IPO5: variants seen among roughly 807,000 people sequenced by gnomAD.
The protein encoded by IPO5 is importin 5, also known as importin-5.
A neutral mutation model predicts 143.3 loss-of-function variants in IPO5; 18 were observed. The observed-to-expected ratio is 0.13, with a 90% CI of 0.09 to 0.19. IPO5 has a LOEUF of 0.19. Among genes scored for constraint, IPO5 ranks in the 10% least tolerant of loss-of-function variants. The probability of loss-of-function intolerance (pLI) is 1.00; values close to 1 mark genes in which losing one functional copy is unlikely to be tolerated. For synonymous variants in IPO5, 477 were observed against 465.7 expected (o/e 1.02, Z -0.31); for missense variants, 1,013 against 1,336.9 (o/e 0.76, Z 3.78).
chr13:97,964,199 TA>T (rs898927085), intron 2 of IPO5, among the ~76,000 whole-genome samples: 2 of 152,182 alleles, frequency 1.3e-5, no homozygotes, highest in African/African-American at 4.8e-5. Flanking sequence ...TTAGTTTAAT[TA>T]GATCCTATTT....
At chr13:97,955,629 T>C (rs561539814) in intron 2 of IPO5, among the ~76,000 whole-genome samples, 57 of 152,210 alleles carry the variant, frequency 3.7e-4, no homozygotes, top group South Asian at 3.7e-3. Flanking sequence ...GACTTGATGG[T>C]CCTCAGACGC....
At chr13:97,997,640 G>A (rs1888408429) in intron 12 of IPO5, 22 bp downstream of exon 12, 3 of 1,519,330 alleles carry the variant, frequency 2.0e-6, no homozygotes, top group South Asian at 1.1e-5. Flanking sequence ...TTGTGTCCAG[G>A]GTGGCAGTGA....
chr13:97,992,747 C>T, intron 9 of IPO5, 145 bp from the exon 10 acceptor site: 1 of 800,484 alleles, frequency 1.2e-6, no homozygotes, highest in Non-Finnish European at 1.9e-6. Flanking sequence ...GCAGGTAGAA[C>T]ATTTGCATAA....
At chr13:97,957,984 G>T (rs1347961510) in intron 2 of IPO5, among the ~76,000 whole-genome samples, 2 of 151,900 alleles carry the variant, frequency 1.3e-5, no homozygotes, top group Non-Finnish European at 2.9e-5. Context: ...GACAGAATGA[G>T]ACTCTGTCTC....
At chr13:97,975,252 C>CGG (rs71213659) in intron 3 of IPO5, among the ~76,000 whole-genome samples, 3 of 35,238 alleles carry the variant, frequency 8.5e-5, no homozygotes, top group African/African-American at 2.8e-4. Context: ...GGGGGGAGGG[C>CGG]GGGGGGGGCT....
rs568860802 is a variant in IPO5, at chr13:98,019,820, A to G, written c.3065+11A>G. 1.7e-5 allele frequency: 27 copies of G among 1,558,932 alleles called. No individual in the cohort carries two copies. Among genetic ancestry groups the G allele is most frequent in the Non-Finnish European group, 2.4e-5 (27 of 1,130,372 alleles). Reference sequence around the variant, plus strand: ...TGACCTGATTGAAAGGTAGGAAAGCAGACTGTGACCTTATTTCCTTCTCCT... The same window carrying G: ...TGACCTGATTGAAAGGTAGGAAAGCGGACTGTGACCTTATTTCCTTCTCCT... On this transcript the variant is annotated intron_variant, in intron 27 of 28. Coordinates refer to ENST00000651721, the MANE Select transcript of IPO5 (RefSeq NM_002271.6).
intron 9 of IPO5, among the ~76,000 whole-genome samples, chr13:97,992,302 C>T (rs1422766952): frequency 6.6e-6 from 1 of 152,156 alleles, no homozygotes; most frequent in Non-Finnish European, 1.5e-5. Flanking sequence ...TTTAATACCA[C>T]AGTGACCAGA....
intron 5 of IPO5, among the ~76,000 whole-genome samples, chr13:97,983,780 C>G (rs903561650): frequency 2.6e-5 from 4 of 151,806 alleles, no homozygotes; most frequent in African/African-American, 9.7e-5. Flanking sequence ...TTTCACCTGA[C>G]TTCTTCCAGT....
At chr13:98,010,906 G>A (rs1353986584) in intron 20 of IPO5, among the ~76,000 whole-genome samples, 7 of 147,850 alleles carry the variant, frequency 4.7e-5, no homozygotes, top group Admixed American at 4.1e-4. Flanking sequence ...TCAGCCTCCC[G>A]AGTAGCTGGG....
intron 19 of IPO5, 21 bp downstream of exon 19, chr13:98,010,034 C>T: frequency 6.2e-7 from 1 of 1,613,624 alleles, no homozygotes; most frequent in Non-Finnish European, 8.5e-7. Flanking sequence ...TTAGAAGGAG[C>T]TATCGGTTAT....
At chr13:97,986,758 A>G (rs1172351430) in intron 6 of IPO5, among the ~76,000 whole-genome samples, 1 of 152,222 alleles carries the variant, frequency 6.6e-6, no homozygotes, top group African/African-American at 2.4e-5. Context: ...TTAGTCAACT[A>G]AAAATAATAG....
chr13:97,969,992 C>A, intron 3 of IPO5, 162 bp downstream of exon 3: 1 of 602,412 alleles, frequency 1.7e-6, no homozygotes, highest in Non-Finnish European at 3.0e-6. Context: ...AGCCATCACA[C>A]CCAGCCAAAA....
chr13:97,967,837 T>C (rs1409663268), intron 2 of IPO5, among the ~76,000 whole-genome samples: 2 of 152,188 alleles, frequency 1.3e-5, no homozygotes, highest in Admixed American at 1.3e-4. Flanking sequence ...TTCACCATGT[T>C]AGCCAGGATG....
Position 98,014,074 on chromosome 13 carries a change from C to T in IPO5, c.2185C>T (p.Leu729Phe), listed in dbSNP as rs761838822. 70 of 1,611,056 alleles carry T rather than the reference C, an allele frequency of 4.3e-5. No individual in the cohort carries two copies. Among genetic ancestry groups the T allele is most frequent in the Non-Finnish European group, 5.7e-5 (67 of 1,179,346 alleles). The change falls in exon 22 of 29, where the codon CTT becomes TTT. Residue 729 changes from leucine to phenylalanine, a missense_variant. By Grantham distance (22) the Leu-to-Phe change is conservative. This residue lies in a region of IPO5 where 685 missense variants were observed against 994.9 expected (regional missense o/e 0.69). Coordinates refer to ENST00000651721, the MANE Select transcript of IPO5 (RefSeq NM_002271.6). ...AGTGGCAGCAGCGGAATCCATGCCT[C>T]TTCTCCTGGAGTGTGCAAGAGTCCG... is the stretch of plus-strand genomic sequence containing the variant. ...VRVAAAESMP[L>F]LLECARVRGP...
intron 3 of IPO5, among the ~76,000 whole-genome samples, chr13:97,974,692 A>G (rs1886115779): frequency 6.6e-6 from 1 of 151,832 alleles, no homozygotes; most frequent in Non-Finnish European, 1.5e-5. Context: ...ACAAAAAAAA[A>G]AAAAAATCAA....
chr13:97,986,736 T>C (rs1383622924), intron 6 of IPO5, among the ~76,000 whole-genome samples: 1 of 152,220 alleles, frequency 6.6e-6, no homozygotes, highest in Non-Finnish European at 1.5e-5. Context: ...TTACTAAAGG[T>C]AAAAATCCTT....
chr13:97,993,162 G>C lies in IPO5; in HGVS notation c.850G>C (p.Val284Leu), dbSNP rs142950356. Residue 284 changes from valine to leucine, a missense_variant, in exon 11 of 29, where the codon GTC (valine) becomes CTC (leucine). By Grantham distance (32) the Val-to-Leu change is conservative. This residue lies in a region of IPO5 where 685 missense variants were observed against 994.9 expected (regional missense o/e 0.69). Transcript: ENST00000651721. ...ACGCCAGCTTGCCCTTGAAGTGATC[G>C]TCACCCTCTCTGAGACTGCAGCTGC... ...MQRQLALEVI[V>L]TLSETAAAML... 6.2e-7 allele frequency: 1 copy of C among 1,613,792 alleles called. No individual in the cohort carries two copies. The highest frequency in any genetic ancestry group is 2.2e-5 in the East Asian group (1 of 44,874).
chr13:97,997,220 G>C (rs1294916482), intron 11 of IPO5, among the ~76,000 whole-genome samples: 4 of 152,196 alleles, frequency 2.6e-5, no homozygotes, highest in African/African-American at 7.2e-5. Context: ...TAGTTCAAGT[G>C]TGAAAAAACA....
At chr13:97,986,032 T>A (rs921960480) in intron 6 of IPO5, among the ~76,000 whole-genome samples, 13 of 152,090 alleles carry the variant, frequency 8.5e-5, no homozygotes, top group African/African-American at 2.9e-4. Flanking sequence ...GAGAATCACC[T>A]GAGCCCCAGA....
Sources: gnomAD v4.1 joint callset for allele counts (sites outside exome capture counted in the v4.1 genomes callset) on GRCh38, gnomAD v4.1.1 for gene constraint, gnomAD v4.1.1 regional missense constraint, MANE v1.5 for transcripts, NCBI Gene and HGNC (gene_info 2026-07-23, HGNC 2026-07-21) for gene names.